Variants in PSD2 observed in about 807,000 individuals in gnomAD.
PSD2 encodes pleckstrin and Sec7 domain containing 2.
In PSD2, 38 loss-of-function variants were observed where a neutral mutation model predicts 69.8. The observed-to-expected ratio is 0.54, with a 90% CI of 0.42 to 0.71. The LOEUF is 0.71. Ranked by LOEUF, PSD2 falls within the 30% of genes least tolerant of loss-of-function variation. The pLI, the probability that PSD2 is intolerant of heterozygous loss-of-function variation, is 0.00. For missense variants in PSD2, 943 were observed against 1,014.5 expected (o/e 0.93, Z 0.96); for synonymous variants, 412 against 423.0 (o/e 0.97, Z 0.32).
rs200951111 is a variant in PSD2, at chr5:139,809,420, C to T, written c.-21C>T. ...AGAGGAGTCCCAGGAGCAGCCAGGACAGGCGGAAGCAGTGGCTGCCATGGA... is the reference window on the plus strand; with the variant it reads ...AGAGGAGTCCCAGGAGCAGCCAGGATAGGCGGAAGCAGTGGCTGCCATGGA... On this transcript the variant is annotated 5_prime_UTR_variant, in exon 2 of 15. Transcript: ENST00000274710. 264 of 1,605,280 alleles carry T rather than the reference C, an allele frequency of 1.6e-4. 1 individual carries two copies. Among genetic ancestry groups the T allele is most frequent in the Middle Eastern group, 2.1e-4 (1 of 4,822 alleles).
chr5:139,833,838 G>A (rs767618243), intron 8 of PSD2, 47 bp downstream of exon 8: 3 of 1,388,276 alleles, frequency 2.2e-6, no homozygotes, highest in Non-Finnish European at 3.1e-6. Context: ...GCCCTGAATG[G>A]ATAGAGAGGA....
rs779474791 is a variant in PSD2 at position 139,830,592 on chromosome 5, T to TTCTTTCTTTCTTTCTTTC, written c.1270-3109_1270-3108insCTTTCTTTCTTTCTTTCT. Among the ~76,000 whole-genome samples, 14 of 86,030 alleles carry TTCTTTCTTTCTTTCTTTC rather than the reference T, an allele frequency of 1.6e-4. 1 individual carries two copies. Among genetic ancestry groups the TTCTTTCTTTCTTTCTTTC allele is most frequent in the African/African-American group, 6.9e-4 (13 of 18,826 alleles). The allele number at this position is 86,030 out of a possible 152,430, so 56.4% of individuals were successfully genotyped here. A position where few individuals can be genotyped will look rare whatever the true frequency, so the allele number is the denominator to read the frequency against. Reference sequence around the variant, plus strand: ...TTTCTTTCTTTCTTTCTTTCTTTCTTTTTCTTTCTTTCTTTCTCTTTCTTT... The same window carrying TTCTTTCTTTCTTTCTTTC: ...TTTCTTTCTTTCTTTCTTTCTTTCTTTCTTTCTTTCTTTCTTTCTTTCTTTCTTTCTTTCTCTTTCTTT... On this transcript the variant is annotated intron_variant, in intron 7 of 14. Coordinates refer to ENST00000274710, the MANE Select transcript of PSD2 (RefSeq NM_032289.4).
rs1760051246 is a variant in PSD2, at chr5:139,814,081, G to T, written c.822-89G>T. 8.6e-6 allele frequency: 11 copies of T among 1,275,072 alleles called. No homozygotes were observed. The highest frequency in any genetic ancestry group is 1.2e-5 in the Non-Finnish European group (11 of 898,790). 79.0% of individuals were successfully genotyped at this position (1,275,072 alleles called of 1,614,324 possible). A position where few individuals can be genotyped will look rare whatever the true frequency, so the allele number is the denominator to read the frequency against. The stretch of plus-strand genomic sequence containing the variant: ...CCCTGTTCTGGCCCCTACATGGTTT[G>T]CAGTGGCCTGGGGAAACCTCCCAGC... On this transcript the variant is annotated intron_variant, in intron 3 of 14. Coordinates refer to ENST00000274710, the MANE Select transcript of PSD2 (RefSeq NM_032289.4). This position sits in a 1 kb window ranked among gnomAD's most constrained non-coding sequence, Gnocchi z 4.4.
At position 139,813,663 on chromosome 5, in the gene PSD2, C is replaced by T. The variant is rs778667142; in HGVS notation, c.726C>T (p.Ala242=). 1 of 1,613,886 alleles carries T rather than the reference C, an allele frequency of 6.2e-7. No individual in the cohort carries two copies. The highest frequency in any genetic ancestry group is 1.1e-5 in the South Asian group (1 of 91,026). The part of the protein sequence containing the change: ...ENVLSRLSLM[A]MPNGFHEDGP... ...TCCTGAGCCGCCTGTCTCTCATGGCCATGCCCAATGGATTCCATGAAGATG... is the reference window on the plus strand; with the variant it reads ...TCCTGAGCCGCCTGTCTCTCATGGCTATGCCCAATGGATTCCATGAAGATG... Residue 242 remains alanine, a synonymous_variant, in exon 3 of 15, where the codon GCC becomes GCT. Coordinates refer to ENST00000274710, the MANE Select transcript of PSD2 (RefSeq NM_032289.4).
At chr5:139,751,267 C>G in the PSD2 span, among the ~76,000 whole-genome samples, 1 of 152,140 alleles carries the variant, frequency 6.6e-6, no homozygotes, top group South Asian at 2.1e-4. Context: ...GCGGAGGTGG[C>G]CAGTATCCTT....
the PSD2 span, among the ~76,000 whole-genome samples, chr5:139,784,113 G>T: frequency 6.6e-6 from 1 of 151,288 alleles, no homozygotes; most frequent in African/African-American, 2.4e-5. Flanking sequence ...GCTAATTTTT[G>T]TATTTTTTGC....
Position 139,837,598 on chromosome 5 carries a change from C to T in PSD2, c.1666-27C>T. On this transcript the variant is annotated intron_variant, in intron 11 of 14. Coordinates refer to ENST00000274710, the MANE Select transcript of PSD2 (RefSeq NM_032289.4). The surrounding 1 kb of genome is among the most constrained non-coding windows in gnomAD (Gnocchi z 5.0). Reference sequence around the variant, plus strand: ...GAGTGGAAGGTGTGGGTCAGTGACCCTAGCTCGCCCATCCTGCCCCACCCA... The same window carrying T: ...GAGTGGAAGGTGTGGGTCAGTGACCTTAGCTCGCCCATCCTGCCCCACCCA... The T allele has an allele frequency of 6.4e-7, 1 of 1,573,446 alleles. No homozygotes were observed. Among genetic ancestry groups the T allele is most frequent in the Non-Finnish European group, 8.7e-7 (1 of 1,152,142 alleles).
the PSD2 span, among the ~76,000 whole-genome samples, chr5:139,761,087 A>G: frequency 6.6e-6 from 1 of 152,206 alleles, no homozygotes; most frequent in African/African-American, 2.4e-5. Flanking sequence ...GTGAGAGAAG[A>G]AAGACTCAGG....
chr5:139,795,443 GA>G (rs1759494381), upstream of PSD2, among the ~76,000 whole-genome samples: 1 of 152,148 alleles, frequency 6.6e-6, no homozygotes, highest in Non-Finnish European at 1.5e-5. This position sits in a 1 kb window ranked among gnomAD's most constrained non-coding sequence, Gnocchi z 4.5. Flanking sequence ...GGCGGGTCCC[GA>G]GAGCTCAGGT....
chr5:139,795,183 C>T (rs1759486286), upstream of PSD2, among the ~76,000 whole-genome samples: 1 of 152,162 alleles, frequency 6.6e-6, no homozygotes, highest in Non-Finnish European at 1.5e-5. This position sits in a 1 kb window ranked among gnomAD's most constrained non-coding sequence, Gnocchi z 4.5. Flanking sequence ...CCTCCCATCC[C>T]ACTCTGTCCC....
At chr5:139,838,288 G>A (rs957822368) in intron 12 of PSD2, among the ~76,000 whole-genome samples, 28 of 152,246 alleles carry the variant, frequency 1.8e-4, no homozygotes, top group African/African-American at 6.7e-4. Flanking sequence ...GGGAGGGCAG[G>A]AGGGCTGTGG....
At chr5:139,789,581 A>AAAAAC in the PSD2 span, among the ~76,000 whole-genome samples, 16 of 152,328 alleles carry the variant, frequency 1.1e-4, no homozygotes, top group Non-Finnish European at 2.1e-4. Context: ...AAGAAAAACA[A>AAAAAC]AAAACAAAAC....
At chr5:139,806,795 C>T (rs896853661) in intron 1 of PSD2, among the ~76,000 whole-genome samples, 3 of 152,178 alleles carry the variant, frequency 2.0e-5, no homozygotes, top group African/African-American at 7.2e-5. Flanking sequence ...TTGGGCTCAG[C>T]AAGAGAGGGG....
At chr5:139,771,330 T>C in the PSD2 span, among the ~76,000 whole-genome samples, 5 of 152,186 alleles carry the variant, frequency 3.3e-5, no homozygotes, top group East Asian at 1.9e-4. Context: ...AGGCCCTGAA[T>C]AGCCTGAGCG....
At chr5:139,802,152 T>C (rs1199404018) in intron 1 of PSD2, among the ~76,000 whole-genome samples, 1 of 125,698 alleles carries the variant, frequency 8.0e-6, no homozygotes, top group Non-Finnish European at 1.6e-5. Flanking sequence ...TGGGGAGAGA[T>C]GAAGAGACGC....
chr5:139,816,391 G>A (rs61479064), intron 4 of PSD2, among the ~76,000 whole-genome samples: 2 of 152,182 alleles, frequency 1.3e-5, no homozygotes, highest in Non-Finnish European at 2.9e-5. Context: ...GCACTTGGCC[G>A]ATTGGTCTGT....
the PSD2 span, among the ~76,000 whole-genome samples, chr5:139,753,464 A>C: frequency 1.3e-5 from 2 of 152,192 alleles, no homozygotes; most frequent in African/African-American, 2.4e-5. Context: ...GGTTTGGCTC[A>C]TAAAGTCCCC....
the PSD2 span, among the ~76,000 whole-genome samples, chr5:139,752,240 G>A: frequency 6.6e-6 from 1 of 151,856 alleles, no homozygotes; most frequent in African/African-American, 2.4e-5. Context: ...TCTCTCTGCC[G>A]GCCCATAATT....
chr5:139,823,554 C>A (rs530580234), intron 7 of PSD2, among the ~76,000 whole-genome samples: 3 of 152,230 alleles, frequency 2.0e-5, no homozygotes, highest in African/African-American at 4.8e-5. Context: ...CTGGGATAGA[C>A]CAAACTTCAG....
Sources: gnomAD v4.1 joint callset for allele counts (sites outside exome capture counted in the v4.1 genomes callset) on GRCh38, gnomAD v4.1.1 for gene constraint, Gnocchi (gnomAD v3.1) non-coding constraint, MANE v1.5 for transcripts, NCBI Gene and HGNC (gene_info 2026-07-23, HGNC 2026-07-21) for gene names.